The following SEPTIN12 variants were observed in gnomAD, a reference collection of about 807,000 sequenced individuals.
The protein encoded by SEPTIN12 is septin-12.
In SEPTIN12, 42 loss-of-function variants were observed where a neutral mutation model predicts 37.7. The observed-to-expected ratio is 1.11, with a 90% CI of 0.87 to 1.44. SEPTIN12 has a LOEUF of 1.44. Among genes scored for constraint, SEPTIN12 ranks in the 40% most tolerant of loss-of-function variants. The pLI is 0.00. For missense variants in SEPTIN12, 613 were observed against 479.2 expected (o/e 1.28, Z -2.61); for synonymous variants, 254 against 196.7 (o/e 1.29, Z -2.44).
chr16:4,781,943 CTTTTT>C (rs571415645), intron 7 of SEPTIN12, among the ~76,000 whole-genome samples: 41 of 47,444 alleles, frequency 8.6e-4, no homozygotes, highest in African/African-American at 3.7e-3. Flanking sequence ...CGTGCCCGGC[CTTTTT>C]TTTTTTTTTT....
intron 4 of SEPTIN12, among the ~76,000 whole-genome samples, chr16:4,784,852 G>A (rs1457666249): frequency 6.6e-6 from 1 of 152,102 alleles, no homozygotes; most frequent in African/African-American, 2.4e-5. Context: ...GCTTATGCGT[G>A]TAATCCCAGT....
chr16:4,777,898 C>T lies in SEPTIN12; in HGVS notation c.976G>A (p.Gly326Ser), dbSNP rs200096858. 1.0e-5 allele frequency: 16 copies of T among 1,599,676 alleles called. No homozygotes were observed. The highest frequency in any genetic ancestry group is 6.8e-5 in the East Asian group (3 of 44,388). ...GAGGCCGGGGCCAGGTTCACCCAGC[C>T]GGGCCCGCGGGGCAGCAGGTGGCTT... ...NESHLLPRGP[G>S]WVNLAPASPG... Residue 326 changes from glycine (G) to serine (S), a missense_variant, in exon 10 of 10, where the codon GGC becomes AGC. Physicochemically the swap from Gly to Ser is moderately conservative, Grantham distance 56. Coordinates refer to ENST00000268231, the MANE Select transcript of SEPTIN12 (RefSeq NM_144605.5).
At chr16:4,782,532 T>C (rs889770976) in intron 7 of SEPTIN12, among the ~76,000 whole-genome samples, 1 of 152,148 alleles carries the variant, frequency 6.6e-6, no homozygotes, top group Non-Finnish European at 1.5e-5. Context: ...ACCAGACTGT[T>C]TTCCAAAGTG....
intron 4 of SEPTIN12, among the ~76,000 whole-genome samples, chr16:4,784,907 C>T (rs928751487): frequency 6.6e-6 from 1 of 151,974 alleles, no homozygotes; most frequent in African/African-American, 2.4e-5. Flanking sequence ...GTCAGTAGTT[C>T]GAGACCAGCC....
At chr16:4,782,153 T>C (rs767292840) in intron 7 of SEPTIN12, among the ~76,000 whole-genome samples, 5 of 151,688 alleles carry the variant, frequency 3.3e-5, no homozygotes, top group Non-Finnish European at 7.4e-5. Context: ...TTTCACCATG[T>C]TAGCCAGGCT....
chr16:4,784,146 G>C (rs2082407282), intron 4 of SEPTIN12, 78 bp from the exon 5 acceptor site: 1 of 1,564,106 alleles, frequency 6.4e-7, no homozygotes. Flanking sequence ...GTGTCCTCTG[G>C]GCGGTCCTCC....
chr16:4,785,619 CA>C, intron 4 of SEPTIN12, 187 bp downstream of exon 4: 47 of 564,258 alleles, frequency 8.3e-5, no homozygotes, highest in Non-Finnish European at 1.1e-4. Context: ...ACTAAAAATA[CA>C]AAAAAAATTA....
rs779817451 is a variant in SEPTIN12, at chr16:4,783,572, C to T, written c.631-15G>A. ...TTCTGCTGGATCTGGAGATCCCACA[C>T]AGGTGACCTCAGCCCACCCTGCCCA... On this transcript the variant is annotated splice_polypyrimidine_tract_variant and intron_variant, in intron 6 of 9. Transcript: ENST00000268231. The T allele has an allele frequency of 6.8e-6, 11 of 1,612,766 alleles. No individual in the cohort carries two copies. Among genetic ancestry groups the T allele is most frequent in the African/African-American group, 5.3e-5 (4 of 74,884 alleles).
upstream of SEPTIN12, among the ~76,000 whole-genome samples, chr16:4,790,397 C>A (rs539945996): frequency 6.6e-6 from 1 of 152,334 alleles, no homozygotes; most frequent in South Asian, 2.1e-4. Context: ...TTCCTGAGCC[C>A]CAGGCCGACT....
At position 4,777,860 on chromosome 16, in the gene SEPTIN12, C is replaced by T. The variant is rs776236675; in HGVS notation, c.1014G>A (p.Leu338=). The stretch of plus-strand genomic sequence containing the variant: ...AGACCTTGAAGGTCCGGGGGGTGGT[C>T]AGCTGTCCTGGGGAGGCCGGGGCCA... ...VNLAPASPGQ[L]TTPRTFKVCR... The change falls in exon 10 of 10, where the codon CTG becomes CTA. Residue 338 remains leucine (L), a synonymous_variant. Coordinates refer to ENST00000268231, the MANE Select transcript of SEPTIN12 (RefSeq NM_144605.5). The T allele has an allele frequency of 2.5e-6, 4 of 1,596,542 alleles. No individual in the cohort carries two copies. In the South Asian group the frequency reaches 4.5e-5, roughly 18 times the overall value.
chr16:4,778,956 G>C (rs974672703), intron 8 of SEPTIN12, among the ~76,000 whole-genome samples: 2 of 151,858 alleles, frequency 1.3e-5, no homozygotes, highest in Non-Finnish European at 2.9e-5. Flanking sequence ...TGGCAACATA[G>C]TGAAACCCCG....
At chr16:4,785,552 T>C (rs2082427771) in intron 4 of SEPTIN12, among the ~76,000 whole-genome samples, 1 of 151,452 alleles carries the variant, frequency 6.6e-6, no homozygotes, top group Non-Finnish European at 1.5e-5. Flanking sequence ...GGCGGGTGGA[T>C]CATCTGAGGT....
chr16:4,777,652 G>A lies in SEPTIN12; in HGVS notation c.*145C>T. 3.1e-6 allele frequency: 2 copies of A among 655,408 alleles called. No individual in the cohort carries two copies. The highest frequency in any genetic ancestry group is 4.3e-4 in the Middle Eastern group (1 of 2,330). The allele number at this position is 655,408 out of a possible 1,614,324, so 40.6% of individuals were successfully genotyped here. ...TTTTATTTGTGGATAGCTCAAAGAA[G>A]TCATTTACAAAATGCCTTTTGTTTT... On this transcript the variant is annotated 3_prime_UTR_variant, in exon 10 of 10. Transcript: ENST00000268231.
chr16:4,784,438 A>G (rs2082411394), intron 4 of SEPTIN12, among the ~76,000 whole-genome samples: 1 of 152,066 alleles, frequency 6.6e-6, no homozygotes, highest in Non-Finnish European at 1.5e-5. Flanking sequence ...CCTCTTGGGT[A>G]TTGTCAACAC....
At chr16:4,783,387 A>T (rs918095037) in intron 7 of SEPTIN12, 75 bp downstream of exon 7, 1 of 1,097,006 alleles carries the variant, frequency 9.1e-7, no homozygotes, top group East Asian at 2.4e-5. Context: ...GATGTAGAGA[A>T]AGATGAGTCT....
rs2082352900 is a variant in SEPTIN12 at position 4,779,764 on chromosome 16, A to T, written c.749T>A (p.Val250Glu). 1.2e-6 allele frequency: 2 copies of T among 1,613,038 alleles called. No homozygotes were observed. Among genetic ancestry groups the T allele is most frequent in the African/African-American group, 2.7e-5 (2 of 74,886 alleles). ...KLRDRIPFAV[V>E]GADQEHLVNG... is the part of the protein sequence containing the mutation. Reference sequence around the variant, plus strand: ...CACCAGGTGCTCTTGGTCAGCCCCTACCACGGCAAAAGGGATTCGGTCCTG... The same window carrying T: ...CACCAGGTGCTCTTGGTCAGCCCCTTCCACGGCAAAAGGGATTCGGTCCTG... The change falls in exon 8 of 10, where the codon GTA becomes GAA. Residue 250 changes from valine to glutamate, a missense_variant. Transcript: ENST00000268231.
At chr16:4,787,784 A>C (rs1445806832) in intron 1 of SEPTIN12, 117 bp from the exon 2 acceptor site, 1 of 605,818 alleles carries the variant, frequency 1.7e-6, no homozygotes, top group Non-Finnish European at 2.9e-6. Context: ...TCCACACTTC[A>C]TGCCTCTGGT....
At chr16:4,785,497 G>A (rs1596256633) in intron 4 of SEPTIN12, among the ~76,000 whole-genome samples, 1 of 152,036 alleles carries the variant, frequency 6.6e-6, no homozygotes, top group African/African-American at 2.4e-5. Context: ...ACTTGTTGCG[G>A]GCACAGTGGC....
At position 4,777,705 on chromosome 16, in the gene SEPTIN12, G is replaced by T; in HGVS notation, c.*92C>A. 1 of 950,956 alleles carries T rather than the reference G, an allele frequency of 1.1e-6. No individual in the cohort carries two copies. The highest frequency in any genetic ancestry group is 1.5e-6 in the Non-Finnish European group (1 of 649,870). 58.9% of individuals were successfully genotyped at this position (950,956 alleles called of 1,614,324 possible). ...AAGCACAGCTTTTCATAAAAAGCAA[G>T]GCTCACATTTAATAGATGCTCTGGT... On this transcript the variant is annotated 3_prime_UTR_variant, in exon 10 of 10. Coordinates refer to ENST00000268231, the MANE Select transcript of SEPTIN12 (RefSeq NM_144605.5).
Sources: gnomAD v4.1 joint callset for allele counts (sites outside exome capture counted in the v4.1 genomes callset) on GRCh38, gnomAD v4.1.1 for gene constraint, MANE v1.5 for transcripts, NCBI Gene and HGNC (gene_info 2026-07-23, HGNC 2026-07-21) for gene names.